CLPB: variants seen among roughly 807,000 people sequenced by gnomAD.
The protein encoded by CLPB is mitochondrial disaggregase.
A neutral mutation model predicts 78.4 loss-of-function variants in CLPB; 40 were observed. The ratio of observed to expected loss-of-function variants is 0.51; its 90% CI spans 0.40 to 0.66. The LOEUF (loss-of-function observed/expected upper bound fraction) is 0.66, where lower values mean the gene tolerates loss of function less well. CLPB is among the 30% of genes least tolerant of loss of function. The probability of loss-of-function intolerance (pLI) is 0.00; values close to 1 mark genes in which losing one functional copy is unlikely to be tolerated. For synonymous variants in CLPB, 333 were observed against 348.0 expected, an observed-to-expected ratio of 0.96 and a Z score of 0.48; for missense variants, 780 against 886.9, an observed-to-expected ratio of 0.88 and a Z score of 1.53.
chr11:72,421,527 G>C (rs961705216), intron 2 of CLPB, among the ~76,000 whole-genome samples: 1 of 152,210 alleles, frequency 6.6e-6, no homozygotes, highest in African/African-American at 2.4e-5. Flanking sequence ...AAGATCCTGG[G>C]AGAGTGATGA....
In CLPB at chr11:72,415,123, G is replaced by A. The variant is rs548562747; in HGVS notation, c.456-12071C>T. On this transcript the variant is annotated intron_variant, in intron 2 of 15. Transcript: ENST00000538039. ...CCCAGCTACTCAGGAGGCTGAGGCA[G>A]GAGAATCACTTGAACCCGGGAGGCG... Among the ~76,000 whole-genome samples, 5 of 152,276 alleles carry A rather than the reference G, an allele frequency of 3.3e-5. No individual in the cohort carries two copies. The East Asian group carries it at 9.6e-4, about 29-fold the overall frequency.
chr11:72,342,258 G>A (rs556680482), intron 5 of CLPB, among the ~76,000 whole-genome samples: 1 of 152,306 alleles, frequency 6.6e-6, no homozygotes, highest in East Asian at 1.9e-4. Context: ...GTAGATCAGT[G>A]TGGTTAGAAA....
intron 3 of CLPB, among the ~76,000 whole-genome samples, chr11:72,387,450 T>C (rs914844431): frequency 6.6e-6 from 1 of 152,124 alleles, no homozygotes; most frequent in Non-Finnish European, 1.5e-5. Context: ...ACATACCAAT[T>C]AAGACATCTA....
At chr11:72,410,084 G>A (rs1855832492) in intron 2 of CLPB, among the ~76,000 whole-genome samples, 1 of 152,120 alleles carries the variant, frequency 6.6e-6, no homozygotes, top group East Asian at 1.9e-4. Flanking sequence ...TAAAAAATTA[G>A]CCTGGCATGG....
chr11:72,297,638 T>G (rs1323712136), intron 11 of CLPB, among the ~76,000 whole-genome samples: 5 of 18,766 alleles, frequency 2.7e-4, no homozygotes, highest in Middle Eastern at 0.025. Context: ...GGGGACCAGG[T>G]GTGTGTGTGT....
intron 11 of CLPB, among the ~76,000 whole-genome samples, chr11:72,298,451 C>G (rs1396906547): frequency 6.6e-6 from 1 of 152,180 alleles, no homozygotes; most frequent in Non-Finnish European, 1.5e-5. Flanking sequence ...TCCCCTCTAC[C>G]CCACACAGCG....
At chr11:72,422,159 G>A (rs1340058575) in intron 2 of CLPB, among the ~76,000 whole-genome samples, 1 of 151,822 alleles carries the variant, frequency 6.6e-6, no homozygotes, top group African/African-American at 2.4e-5. Flanking sequence ...CCAGCAACTT[G>A]GGAGGCTGAG....
intron 6 of CLPB, among the ~76,000 whole-genome samples, chr11:72,324,374 C>A (rs886774412): frequency 2.0e-5 from 3 of 152,026 alleles, no homozygotes; most frequent in Admixed American, 2.0e-4. Context: ...TTGAGACCAG[C>A]CTGGCCAACA....
chr11:72,306,984 G>A (rs1949758069), intron 9 of CLPB, among the ~76,000 whole-genome samples: 1 of 152,200 alleles, frequency 6.6e-6, no homozygotes, highest in South Asian at 2.1e-4. Flanking sequence ...CTATTTTACA[G>A]ATGAAGAAAC....
At chr11:72,294,828 T>C in intron 12 of CLPB, 135 bp from the exon 13 acceptor site, 5 of 744,016 alleles carry the variant, frequency 6.7e-6, no homozygotes, top group Non-Finnish European at 1.2e-5. Context: ...TCTAAGGCTC[T>C]CTGGGCTTCA....
rs905026241 is a variant in CLPB, at chr11:72,434,406, G to A, written c.69C>T (p.Ser23=). The A allele has an allele frequency of 1.2e-6, 2 of 1,602,874 alleles. No individual in the cohort carries two copies. The highest frequency in any genetic ancestry group is 1.7e-5 in the Admixed American group (1 of 58,804). Residue 23 remains serine, a synonymous_variant, in exon 1 of 16, where the codon TCC becomes TCT. Coordinates refer to ENST00000538039, the MANE Select transcript of CLPB (RefSeq NM_001258392.3). ...APRLLLRLLR[S]PTLRGHGGAS... ...CACCTCCATGGCCCCGGAGCGTTGG[G>A]GACCTGAGCAGCCGGAGGAGTAGCC...
At chr11:72,430,453 C>A in intron 1 of CLPB, 90 bp from the exon 2 acceptor site, 1 of 1,124,696 alleles carries the variant, frequency 8.9e-7, no homozygotes, top group South Asian at 1.5e-5. Context: ...AGTGGCAGTA[C>A]TTTAGAAACG....
chr11:72,302,387 C>T (rs1319253707), intron 9 of CLPB, 39 bp from the exon 10 acceptor site: 1 of 1,603,272 alleles, frequency 6.2e-7, no homozygotes, highest in South Asian at 1.1e-5. Context: ...CGTTTGGAGG[C>T]AGGAAAGTGA....
intron 6 of CLPB, among the ~76,000 whole-genome samples, chr11:72,318,815 G>C (rs910451897): frequency 6.6e-6 from 1 of 152,206 alleles, no homozygotes; most frequent in African/African-American, 2.4e-5. Context: ...TTGGAATCCA[G>C]AGTGTCACTG....
At position 72,402,976 on chromosome 11, in the gene CLPB, G is replaced by A. The variant is rs774185980; in HGVS notation, c.532C>T (p.Arg178Ter). ...WTALMVAAIN[R>*]NNSVVQVLLA... ...AAGGTGGTCTCTCACCTGTTGTTTC[G>A]GTTGATGGCTGCCACCATGAGTGCT... Residue 178 changes from arginine (R) to a stop codon, truncating the protein, a stop_gained, in exon 3 of 16, where the codon CGA becomes TGA. Coordinates refer to ENST00000538039, the MANE Select transcript of CLPB (RefSeq NM_001258392.3). LOFTEE classifies it high-confidence loss of function. 3.1e-6 allele frequency: 5 copies of A among 1,613,740 alleles called. No homozygotes were observed. Among genetic ancestry groups the A allele is most frequent in the East Asian group, 2.2e-5 (1 of 44,888 alleles).
intron 1 of CLPB, among the ~76,000 whole-genome samples, chr11:72,433,836 G>C (rs56320354): frequency 1.3e-5 from 2 of 152,140 alleles, no homozygotes; most frequent in African/African-American, 4.8e-5. Flanking sequence ...CCATTGTACA[G>C]ATGGATAAAA....
chr11:72,333,227 GTT>G (rs1950260064), intron 5 of CLPB, among the ~76,000 whole-genome samples: 7 of 152,184 alleles, frequency 4.6e-5, no homozygotes, highest in African/African-American at 1.7e-4. Context: ...AAAGCCTTCA[GTT>G]GGCCTTTGCT....
At chr11:72,421,950 C>A (rs1324748859) in intron 2 of CLPB, among the ~76,000 whole-genome samples, 2 of 152,180 alleles carry the variant, frequency 1.3e-5, no homozygotes, top group Non-Finnish European at 2.9e-5. Flanking sequence ...TGGACCCTTC[C>A]AGAAGGACTC....
At chr11:72,354,277 G>GTATA (rs57178829) in intron 5 of CLPB, 443 of 375,316 alleles carry the variant, frequency 1.2e-3, no homozygotes, top group African/African-American at 4.1e-3. Flanking sequence ...GTGTGTGTGT[G>GTATA]TATATATATA....
Sources: allele counts gnomAD v4.1 joint callset (sites outside exome capture counted in the v4.1 genomes callset), GRCh38; gene constraint gnomAD v4.1.1; transcripts MANE v1.5; gene names NCBI Gene and HGNC (gene_info 2026-07-23, HGNC 2026-07-21).